Variants in CCNL2 observed in about 807,000 individuals in gnomAD.
CCNL2 encodes cyclin L2, also known as cyclin-L2.
Under a neutral mutation model 59.1 loss-of-function variants are expected in CCNL2, and 28 were observed. That is an observed-to-expected ratio of 0.47 (90% CI 0.35 to 0.65). The LOEUF (loss-of-function observed/expected upper bound fraction) is 0.65. Among genes scored for constraint, CCNL2 ranks in the 30% least tolerant of loss-of-function variants. The pLI is 0.00. For missense variants in CCNL2, 714 were observed against 717.4 expected, an observed-to-expected ratio of 1.00 and a Z score of 0.05; for synonymous variants, 342 against 288.6, an observed-to-expected ratio of 1.19 and a Z score of -1.88.
intron 8 of CCNL2, 121 bp downstream of exon 8, chr1:1,390,109 G>C (rs2100285050): frequency 3.4e-6 from 3 of 885,346 alleles, no homozygotes; most frequent in Non-Finnish European, 5.1e-6. Context: ...CAGAGACCCT[G>C]TCTCAAAAAA....
chr1:1,391,038 G>T, intron 5 of CCNL2, 173 bp from the exon 6 acceptor site: 3 of 944,238 alleles, frequency 3.2e-6, no homozygotes, highest in Non-Finnish European at 3.0e-6. Context: ...AAATATTCTA[G>T]CTGCTTTTTC....
chr1:1,397,185 T>G (rs778640882), intron 3 of CCNL2, among the ~76,000 whole-genome samples: 152 of 152,238 alleles, frequency 1.0e-3, no homozygotes, highest in Non-Finnish European at 1.7e-3. Context: ...GGCTGTGTTT[T>G]CTAAAGGACT....
chr1:1,390,113 CAAA>C (rs546221507), intron 8 of CCNL2, 114 bp downstream of exon 8: 15,633 of 675,474 alleles, frequency 0.023, no homozygotes, highest in South Asian at 0.044. Flanking sequence ...GACCCTGTCT[CAAA>C]AAAAAAAAAA....
chr1:1,388,772 GAAAA>G (rs775917140), intron 8 of CCNL2: 620 of 154,530 alleles, frequency 4.0e-3, no homozygotes, highest in Non-Finnish European at 4.6e-3. Context: ...CTCCGTCTCA[GAAAA>G]AAAAAAAAAA....
At chr1:1,398,889 G>C in intron 1 of CCNL2, 130 bp downstream of exon 1, 1 of 1,425,018 alleles carries the variant, frequency 7.0e-7, no homozygotes, top group Non-Finnish European at 9.2e-7. Context: ...GAATGGCGCC[G>C]AGGCTGGGGT....
chr1:1,399,155 T>C lies in CCNL2; in HGVS notation c.152A>G (p.Asn51Ser). The change falls in exon 1 of 11, where the codon AAC (asparagine) becomes AGC (serine). Residue 51 changes from asparagine to serine, a missense_variant. Coordinates refer to ENST00000400809, the MANE Select transcript of CCNL2 (RefSeq NM_030937.6). ...GAGCTTGTCGTCAGGCAGGAGGCAG[T>C]TCTCCAAGGTGATGAGCACCCCGGA... ...LYSGVLITLE[N>S]CLLPDDKLRF... The C allele has an allele frequency of 6.2e-7, 1 of 1,612,082 alleles. No homozygotes were observed. The highest frequency in any genetic ancestry group is 8.5e-7 in the Non-Finnish European group (1 of 1,179,472).
At position 1,393,418 on chromosome 1, in the gene CCNL2, G is replaced by C. The variant is rs1054497887; in HGVS notation, c.637C>G (p.Gln213Glu). ...YLQVLECERN[Q>E]HLVQTSWNYM... Reference sequence around the variant, plus strand: ...CACCATGAGGTCTGGACCAGGTGTTGGTTACGCTCACACTCTAACACCTGA... The same window carrying C: ...CACCATGAGGTCTGGACCAGGTGTTCGTTACGCTCACACTCTAACACCTGA... Residue 213 changes from glutamine to glutamate, a missense_variant, in exon 5 of 11, where the codon CAA (glutamine) becomes GAA (glutamate). Gln to Glu is a conservative substitution (Grantham distance 29). This residue lies in a region of CCNL2 where 19 missense variants were observed against 20.1 expected (regional missense o/e 0.94). Transcript: ENST00000400809. 6.2e-7 allele frequency: 1 copy of C among 1,614,030 alleles called. No homozygotes were observed. The highest frequency in any genetic ancestry group is 8.5e-7 in the Non-Finnish European group (1 of 1,179,926).
chr1:1,388,189 G>A (rs765289553), intron 8 of CCNL2, 124 bp from the exon 9 acceptor site: 29 of 733,480 alleles, frequency 4.0e-5, no homozygotes, highest in Middle Eastern at 3.6e-4. Context: ...TGTAACTTCC[G>A]GCTCCCAGCT....
Position 1,390,247 on chromosome 1 carries a change from G to C in CCNL2, c.989C>G (p.Ser330Cys). ...TQVLDGTSGF[S>C]PAPKLVESPK... ...AGACTCACCCAGCTTGGGGGCAGGAGAGAACCCCGAGGTACCATCCAGCAC... is the reference window on the plus strand; with the variant it reads ...AGACTCACCCAGCTTGGGGGCAGGACAGAACCCCGAGGTACCATCCAGCAC... Residue 330 changes from serine to cysteine, a missense_variant, in exon 8 of 11, where the codon TCT (serine) becomes TGT (cysteine). By Grantham distance (112) the Ser-to-Cys change is moderately radical (BLOSUM62 -1). Transcript: ENST00000400809. 6.2e-7 allele frequency: 1 copy of C among 1,610,312 alleles called. No homozygotes were observed. Among genetic ancestry groups the C allele is most frequent in the Non-Finnish European group, 8.5e-7 (1 of 1,176,956 alleles).
chr1:1,387,780 C>T lies in CCNL2; in HGVS notation c.1208G>A (p.Arg403Lys), dbSNP rs112675079. ...GGGTGCGCCCTGAGGCACACACCTC[C>T]TCTTAGGAGACGCTGATCGGGATGG... is the stretch of plus-strand genomic sequence containing the variant. ...RSPSRSASPK[R>K]RKSDSGSTSG... Residue 403 changes from arginine (R) to lysine (K), a missense_variant, in exon 10 of 11, where the codon AGG (arginine) becomes AAG (lysine). Arg to Lys is a conservative substitution (Grantham distance 26). Transcript: ENST00000400809. 5 of 1,611,280 alleles carry T rather than the reference C, an allele frequency of 3.1e-6. No homozygotes were observed. The African/African-American group carries it at 5.3e-5, about 17-fold the overall frequency.
chr1:1,396,406 A>C (rs1645024168), intron 3 of CCNL2, among the ~76,000 whole-genome samples: 5 of 150,080 alleles, frequency 3.3e-5, no homozygotes, highest in Admixed American at 3.3e-4. Flanking sequence ...AGCTGGTATT[A>C]CAGGCATGCA....
intron 3 of CCNL2, among the ~76,000 whole-genome samples, chr1:1,397,919 T>G (rs1645132606): frequency 6.6e-6 from 1 of 152,198 alleles, no homozygotes; most frequent in South Asian, 2.1e-4. Flanking sequence ...TAAGATTCCC[T>G]GCTCCAGAGC....
intron 10 of CCNL2, 75 bp from the exon 11 acceptor site, chr1:1,387,657 G>A: frequency 7.1e-7 from 1 of 1,399,912 alleles, no homozygotes; most frequent in Non-Finnish European, 9.7e-7. Context: ...CAGGAGCTCA[G>A]ACAAGACACA....
chr1:1,393,741 T>G (rs914672009), intron 4 of CCNL2, among the ~76,000 whole-genome samples: 3 of 152,188 alleles, frequency 2.0e-5, no homozygotes, highest in African/African-American at 7.2e-5. Flanking sequence ...TCAATGCCTT[T>G]CCACCAGTGA....
intron 4 of CCNL2, 55 bp from the exon 5 acceptor site, chr1:1,393,515 A>G: frequency 1.3e-6 from 2 of 1,492,298 alleles, no homozygotes; most frequent in Non-Finnish European, 1.9e-6. Flanking sequence ...CCCAGAATTC[A>G]GATCTTGTGG....
intron 8 of CCNL2, among the ~76,000 whole-genome samples, chr1:1,389,878 G>T (rs1644669713): frequency 6.6e-6 from 1 of 152,252 alleles, no homozygotes; most frequent in Non-Finnish European, 1.5e-5. Flanking sequence ...AGAATGGTGT[G>T]AACTCAGGAG....
At chr1:1,394,008 C>G (rs1413269700) in intron 4 of CCNL2, among the ~76,000 whole-genome samples, 1 of 152,016 alleles carries the variant, frequency 6.6e-6, no homozygotes, top group African/African-American at 2.4e-5. Context: ...CGCCTGTAAT[C>G]CCAGGTACTC....
rs763161176 is a variant in CCNL2 at position 1,387,872 on chromosome 1, G to A, written c.1119-3C>T. The A allele has an allele frequency of 4.3e-6, 7 of 1,613,882 alleles. No individual in the cohort carries two copies. The East Asian group carries it at 6.7e-5, about 15-fold the overall frequency. On this transcript the variant is annotated splice_polypyrimidine_tract_variant and splice_region_variant and intron_variant, in intron 9 of 10. Transcript: ENST00000400809. Reference sequence around the variant, plus strand: ...GACTCTCTCGCCCCTTTGGCAAGCTGTGAACAGGACAGGAGCCAGTTACAA... The same window carrying A: ...GACTCTCTCGCCCCTTTGGCAAGCTATGAACAGGACAGGAGCCAGTTACAA...
chr1:1,399,178 G>A lies in CCNL2; in HGVS notation c.129C>T (p.Ser43=), dbSNP rs776069676. 40 of 1,611,070 alleles carry A rather than the reference G, an allele frequency of 2.5e-5. No individual in the cohort carries two copies. In the South Asian group the frequency reaches 3.6e-4, roughly 15 times the overall value. The change falls in exon 1 of 11, where the codon TCC becomes TCT. Residue 43 remains serine (S), a synonymous_variant. Coordinates refer to ENST00000400809, the MANE Select transcript of CCNL2 (RefSeq NM_030937.6). ...AGTTCTCCAAGGTGATGAGCACCCC[G>A]GAGTACAGCCTGTCCCCGATCAGCA... ...QGVLIGDRLY[S]GVLITLENCL...
Sources: gnomAD v4.1 joint callset for allele counts (sites outside exome capture counted in the v4.1 genomes callset) on GRCh38, gnomAD v4.1.1 for gene constraint, gnomAD v4.1.1 regional missense constraint, MANE v1.5 for transcripts, NCBI Gene and HGNC (gene_info 2026-07-23, HGNC 2026-07-21) for gene names.